Variants in FRMPD4 observed in about 807,000 individuals in gnomAD.
The protein encoded by FRMPD4 is FERM and PDZ domain containing 4, also known as FERM and PDZ domain-containing protein 4.
FRMPD4 carries 22 observed loss-of-function variants against 94.1 expected under a neutral mutation model. The observed-to-expected ratio is 0.23, with a 90% CI of 0.17 to 0.33. The LOEUF (loss-of-function observed/expected upper bound fraction) is 0.33. Ranked by LOEUF, FRMPD4 falls within the 10% of genes least tolerant of loss-of-function variation. The pLI is 1.00. For synonymous variants in FRMPD4, 631 were observed against 548.6 expected, an observed-to-expected ratio of 1.15 and a Z score of -2.10; for missense variants, 1,111 against 1,339.9, an observed-to-expected ratio of 0.83 and a Z score of 2.67.
intron 2 of FRMPD4, among the ~76,000 whole-genome samples, chrX:12,521,916 A>AG (rs1338495039): frequency 4.5e-5 from 5 of 110,565 alleles, no homozygotes; most frequent in Non-Finnish European, 9.5e-5. Flanking sequence ...AGATAAAAAA[A>AG]AAAAACTGGC....
chrX:12,615,022 G>C (rs978486364), intron 4 of FRMPD4, 141 bp downstream of exon 4: 1 of 348,938 alleles, frequency 2.9e-6, no homozygotes, highest in African/African-American at 2.6e-5. Flanking sequence ...GGTTGAAAAT[G>C]CTGCTGACAC....
At chrX:12,331,709 ATATAAT>A (rs1383709726) in intron 1 of FRMPD4, among the ~76,000 whole-genome samples, 3 of 56,701 alleles carry the variant, frequency 5.3e-5, no homozygotes, top group Non-Finnish European at 9.2e-5. Context: ...AATATATAAT[ATATAAT>A]TTATATATAG....
At chrX:12,616,464 A>G (rs2148427470) in intron 4 of FRMPD4, among the ~76,000 whole-genome samples, 1 of 112,201 alleles carries the variant, frequency 8.9e-6, no homozygotes, top group South Asian at 3.8e-4. Context: ...ACTCTACTTC[A>G]GTCTGGGCTT....
At chrX:11,943,948 T>C in intron 3 of FRMPD4, among the ~76,000 whole-genome samples, 1 of 111,593 alleles carries the variant, frequency 9.0e-6, no homozygotes. Context: ...TTCTAAAGGG[T>C]GAGGTAGTAA....
chrX:11,855,076 C>A (rs1310777646), intron 1 of FRMPD4, among the ~76,000 whole-genome samples: 2 of 112,552 alleles, frequency 1.8e-5, no homozygotes, highest in Admixed American at 1.9e-4. Context: ...TTCTTGATTT[C>A]TGTGCACCCA....
At chrX:12,614,108 G>A (rs1163310175) in intron 3 of FRMPD4, 3 of 113,429 alleles carry the variant, frequency 2.6e-5, no homozygotes, top group Non-Finnish European at 5.6e-5. Context: ...GAGGGAGGAA[G>A]GGGACACCTG....
At chrX:12,089,887 G>T (rs754423099) in intron 3 of FRMPD4, among the ~76,000 whole-genome samples, 8 of 111,698 alleles carry the variant, frequency 7.2e-5, no homozygotes, top group Non-Finnish European at 1.3e-4. Flanking sequence ...TTTACAGTTT[G>T]GTTGGGAAAC....
chrX:12,056,244 A>G (rs775851566), intron 3 of FRMPD4, among the ~76,000 whole-genome samples: 5 of 112,128 alleles, frequency 4.5e-5, no homozygotes, highest in Non-Finnish European at 9.4e-5. Context: ...TAACGTGTAT[A>G]CATGGGAGCC....
At chrX:12,601,837 G>A (rs1299603218) in intron 2 of FRMPD4, among the ~76,000 whole-genome samples, 1 of 111,314 alleles carries the variant, frequency 9.0e-6, no homozygotes, top group Non-Finnish European at 1.9e-5. Flanking sequence ...GTGGTGCCTT[G>A]CCGGGCATCC....
chrX:12,661,931 G>A (rs751482035), intron 4 of FRMPD4, among the ~76,000 whole-genome samples: 32 of 112,093 alleles, frequency 2.9e-4, no homozygotes, highest in Non-Finnish European at 4.7e-4. Flanking sequence ...CTAGGCTGAC[G>A]CTACGTTATG....
intron 1 of FRMPD4, among the ~76,000 whole-genome samples, chrX:12,424,983 T>A (rs1424605871): frequency 8.9e-6 from 1 of 112,608 alleles, no homozygotes; most frequent in Non-Finnish European, 1.9e-5. Context: ...CCAAGGGATA[T>A]TTTCTGTAGG....
At chrX:12,632,004 C>A (rs1303704727) in intron 4 of FRMPD4, among the ~76,000 whole-genome samples, 1 of 112,091 alleles carries the variant, frequency 8.9e-6, no homozygotes, top group East Asian at 2.8e-4. Flanking sequence ...ACATTAAACT[C>A]AATAACCTGT....
rs771469431 is a variant in FRMPD4, at chrX:12,498,562, G to A, written c.42-118G>A. ...ATAATGTGTCGATTTTTGTTGCAAC[G>A]TTAATTGGGGGTTTGCCCAATCTAA... On this transcript the variant is annotated intron_variant, in intron 1 of 16. Transcript: ENST00000675598. 309 of 552,510 alleles carry A rather than the reference G, an allele frequency of 5.6e-4. 1 individual carries two copies. In the African/African-American group the frequency reaches 6.3e-3, roughly 11 times the overall value. The allele number at this position is 552,510 out of a possible 1,213,427, so 45.5% of individuals were successfully genotyped here. A position where few individuals can be genotyped will look rare whatever the true frequency, so the allele number is the denominator to read the frequency against.
chrX:12,680,686 A>T (rs1291205359), intron 5 of FRMPD4, among the ~76,000 whole-genome samples: 1 of 112,303 alleles, frequency 8.9e-6, no homozygotes, highest in Non-Finnish European at 1.9e-5. Flanking sequence ...ATATTTACTT[A>T]ACAACCTTGG....
intron 1 of FRMPD4, among the ~76,000 whole-genome samples, chrX:12,198,905 C>T (rs890845561): frequency 2.7e-5 from 3 of 112,334 alleles, no homozygotes; most frequent in South Asian, 3.7e-4. Flanking sequence ...TGAATGAACA[C>T]GAGGTTTTAT....
At chrX:12,403,424 T>C (rs1323418291) in intron 1 of FRMPD4, among the ~76,000 whole-genome samples, 3 of 111,030 alleles carry the variant, frequency 2.7e-5, no homozygotes, top group African/African-American at 9.9e-5. Context: ...TCCTGGCCAC[T>C]CCATCTAAAG....
At chrX:12,662,481 T>C (rs1299352598) in intron 4 of FRMPD4, among the ~76,000 whole-genome samples, 3 of 111,728 alleles carry the variant, frequency 2.7e-5, no homozygotes, top group African/African-American at 9.8e-5. Context: ...GTTAGTTTGC[T>C]GAGAATGATT....
At chrX:12,358,795 T>C (rs2055934801) in intron 1 of FRMPD4, among the ~76,000 whole-genome samples, 1 of 111,915 alleles carries the variant, frequency 8.9e-6, no homozygotes, top group Non-Finnish European at 1.9e-5. Context: ...GCTGGATGTC[T>C]GTAAGAACAA....
intron 2 of FRMPD4, among the ~76,000 whole-genome samples, chrX:12,512,376 C>T (rs748505150): frequency 3.6e-5 from 4 of 112,119 alleles, no homozygotes; most frequent in African/African-American, 1.3e-4. Context: ...TCCCTCCCCC[C>T]ACAACCCCCA....
Sources: gnomAD v4.1 joint callset for allele counts (sites outside exome capture counted in the v4.1 genomes callset) on GRCh38, gnomAD v4.1.1 for gene constraint, MANE v1.5 for transcripts, NCBI Gene and HGNC (gene_info 2026-07-23, HGNC 2026-07-21) for gene names.